Variants in SLC24A2 observed in about 807,000 individuals in gnomAD.
SLC24A2 encodes solute carrier family 24 member 2, also known as sodium/potassium/calcium exchanger 2.
Under a neutral mutation model 62.0 loss-of-function variants are expected in SLC24A2, and 36 were observed. The ratio of observed to expected loss-of-function variants is 0.58; its 90% confidence interval spans 0.44 to 0.77. SLC24A2 has a LOEUF of 0.77. Ranked by LOEUF, SLC24A2 falls within the 30% of genes least tolerant of loss-of-function variation. The pLI is 0.00. For synonymous variants in SLC24A2, 358 were observed against 294.0 expected, an observed-to-expected ratio of 1.22 and a Z score of -2.23; for missense variants, 846 against 817.9, an observed-to-expected ratio of 1.03 and a Z score of -0.42.
the SLC24A2 span, among the ~76,000 whole-genome samples, chr9:19,885,990 G>T: frequency 4.0e-3 from 605 of 152,274 alleles, 8 homozygotes; most frequent in African/African-American, 0.014. Context: ...TCTTCAGCCA[G>T]TCTACCATTG....
At chr9:19,713,297 T>C (rs1173219020) in intron 2 of SLC24A2, among the ~76,000 whole-genome samples, 1 of 152,164 alleles carries the variant, frequency 6.6e-6, no homozygotes, top group Non-Finnish European at 1.5e-5. Context: ...TCTGGGAGAA[T>C]GGACACATGT....
At chr9:20,199,759 C>A in the SLC24A2 span, among the ~76,000 whole-genome samples, 1 of 150,168 alleles carries the variant, frequency 6.7e-6, no homozygotes, top group Non-Finnish European at 1.5e-5. Context: ...TGCTCTGTTG[C>A]CCAAGCTGGA....
chr9:19,520,063 C>A (rs888962279), intron 10 of SLC24A2, among the ~76,000 whole-genome samples: 1 of 152,090 alleles, frequency 6.6e-6, no homozygotes, highest in Non-Finnish European at 1.5e-5. Context: ...ATGGTAGACA[C>A]TGTATGAAAA....
the SLC24A2 span, among the ~76,000 whole-genome samples, chr9:20,172,214 A>G: frequency 6.6e-6 from 1 of 152,136 alleles, no homozygotes; most frequent in African/African-American, 2.4e-5. Context: ...CAGTGCTAAG[A>G]GGAAAGTTCA....
At chr9:19,619,903 A>T (rs1817868885) in intron 3 of SLC24A2, among the ~76,000 whole-genome samples, 1 of 152,156 alleles carries the variant, frequency 6.6e-6, no homozygotes, top group African/African-American at 2.4e-5. Context: ...TTCCCTTTTT[A>T]AAAAGAGCTT....
intron 2 of SLC24A2, among the ~76,000 whole-genome samples, chr9:19,742,794 TCAGGAATGTCTCTCA>T (rs1391245120): frequency 6.6e-6 from 1 of 152,138 alleles, no homozygotes; most frequent in Non-Finnish European, 1.5e-5. Context: ...ACACCTGTCC[TCAGGAATGTCTCTCA>T]CAGGACATCT....
chr9:19,682,491 G>C (rs1162777980), intron 2 of SLC24A2, among the ~76,000 whole-genome samples: 1 of 152,052 alleles, frequency 6.6e-6, no homozygotes, highest in Non-Finnish European at 1.5e-5. Flanking sequence ...ATAGTAAAGG[G>C]GAAAAACTTC....
the SLC24A2 span, among the ~76,000 whole-genome samples, chr9:19,799,783 T>A: frequency 3.3e-5 from 5 of 152,198 alleles, no homozygotes; most frequent in Non-Finnish European, 7.3e-5. Context: ...TAAATATGCT[T>A]AATACGCTCC....
chr9:20,084,722 A>G, the SLC24A2 span, among the ~76,000 whole-genome samples: 4 of 152,040 alleles, frequency 2.6e-5, no homozygotes, highest in Non-Finnish European at 4.4e-5. Flanking sequence ...TATGCAACTC[A>G]TTCAGTTCAG....
chr9:20,013,715 G>T, the SLC24A2 span, among the ~76,000 whole-genome samples: 1 of 152,048 alleles, frequency 6.6e-6, no homozygotes, highest in African/African-American at 2.4e-5. Flanking sequence ...AATATATAAG[G>T]AAATCAAACA....
At chr9:19,986,864 G>A in the SLC24A2 span, among the ~76,000 whole-genome samples, 1 of 152,060 alleles carries the variant, frequency 6.6e-6, no homozygotes, top group African/African-American at 2.4e-5. Context: ...AGATAGAGGT[G>A]GTAGTTGCAC....
At chr9:20,217,171 G>T in the SLC24A2 span, among the ~76,000 whole-genome samples, 1 of 152,250 alleles carries the variant, frequency 6.6e-6, no homozygotes, top group Non-Finnish European at 1.5e-5. Context: ...CTCAACATAT[G>T]TCATACTCAT....
the SLC24A2 span, among the ~76,000 whole-genome samples, chr9:19,995,994 A>C: frequency 3.3e-5 from 5 of 152,352 alleles, no homozygotes; most frequent in Non-Finnish European, 7.3e-5. Flanking sequence ...GAAGAGAACC[A>C]CTACTTTCAA....
the SLC24A2 span, among the ~76,000 whole-genome samples, chr9:20,224,101 A>G: frequency 2.6e-5 from 4 of 152,050 alleles, no homozygotes; most frequent in East Asian, 1.9e-4. Flanking sequence ...ACCTCCAACC[A>G]GGTCCCTCCC....
At chr9:20,108,424 A>G in the SLC24A2 span, among the ~76,000 whole-genome samples, 34 of 152,310 alleles carry the variant, frequency 2.2e-4, 1 homozygote, top group Admixed American at 2.1e-3. Flanking sequence ...CACTATTCAC[A>G]ATAGCAAAGA....
chr9:20,131,530 A>C, the SLC24A2 span, among the ~76,000 whole-genome samples: 2 of 152,316 alleles, frequency 1.3e-5, no homozygotes, highest in East Asian at 3.9e-4. Context: ...AGGAAAATAT[A>C]GCTTTGTTGT....
intron 8 of SLC24A2, among the ~76,000 whole-genome samples, chr9:19,529,909 C>A (rs1169119650): frequency 6.6e-6 from 1 of 151,672 alleles, no homozygotes; most frequent in East Asian, 1.9e-4. Context: ...GCCACCACAC[C>A]CCACTAATTT....
At chr9:19,897,219 G>A in the SLC24A2 span, among the ~76,000 whole-genome samples, 2,507 of 152,166 alleles carry the variant, frequency 0.016, 24 homozygotes, top group Middle Eastern at 0.045. Flanking sequence ...CTACCTTTTT[G>A]CTTTCATTTT....
intron 7 of SLC24A2, among the ~76,000 whole-genome samples, chr9:19,565,136 T>G (rs907181900): frequency 3.3e-5 from 5 of 152,190 alleles, no homozygotes; most frequent in Middle Eastern, 3.4e-3. Flanking sequence ...GAGAAAGAAA[T>G]AAAGGTATTC....
Sources: gnomAD v4.1 joint callset for allele counts (sites outside exome capture counted in the v4.1 genomes callset) on GRCh38, gnomAD v4.1.1 for gene constraint, MANE v1.5 for transcripts, NCBI Gene and HGNC (gene_info 2026-07-23, HGNC 2026-07-21) for gene names.